ANKMY1: variants seen among roughly 807,000 people sequenced by gnomAD.
ANKMY1 encodes the protein ankyrin repeat and MYND domain containing 1.
ANKMY1 carries 98 observed loss-of-function variants against 102.0 expected under a neutral mutation model. The observed-to-expected ratio is 0.96, with a 90% CI of 0.82 to 1.14. ANKMY1 has a LOEUF of 1.14. Among genes scored for constraint, ANKMY1 ranks in the 50% most tolerant of loss-of-function variants. The pLI, the probability that ANKMY1 is intolerant of heterozygous loss-of-function variation, is 0.00. For missense variants in ANKMY1, 1,330 were observed against 1,347.6 expected (o/e 0.99, Z 0.20); for synonymous variants, 582 against 559.9 (o/e 1.04, Z -0.56).
chr2:240,518,961 C>T (rs1415332661), intron 9 of ANKMY1, among the ~76,000 whole-genome samples: 2 of 152,230 alleles, frequency 1.3e-5, no homozygotes, highest in Non-Finnish European at 2.9e-5. Context: ...GCCTGAGTGA[C>T]AACTGGCAAG....
At chr2:240,507,823 T>C (rs2079368058) in intron 12 of ANKMY1, 132 bp from the exon 13 acceptor site, 1 of 1,119,186 alleles carries the variant, frequency 8.9e-7, no homozygotes, top group Non-Finnish European at 1.2e-6. Flanking sequence ...CCGCTGGCCC[T>C]TCCCACGGAT....
At chr2:240,554,811 G>C in intron 3 of ANKMY1, 55 bp downstream of exon 3, 1 of 1,595,644 alleles carries the variant, frequency 6.3e-7, no homozygotes. Flanking sequence ...GAAGGATAAA[G>C]GCCAGCCACC....
chr2:240,503,831 C>T (rs1481388483), intron 13 of ANKMY1, among the ~76,000 whole-genome samples: 1 of 152,228 alleles, frequency 6.6e-6, no homozygotes, highest in African/African-American at 2.4e-5. Context: ...ATCAAAGTAA[C>T]ATGAGGTCCT....
chr2:240,536,281 C>CT (rs539958443), intron 4 of ANKMY1, among the ~76,000 whole-genome samples: 3 of 151,504 alleles, frequency 2.0e-5, no homozygotes, highest in South Asian at 4.2e-4. Context: ...AAAGAAAATT[C>CT]TTTTTTTTTC....
At chr2:240,508,865 AATGG>A (rs538759452) in intron 12 of ANKMY1, among the ~76,000 whole-genome samples, 8 of 151,808 alleles carry the variant, frequency 5.3e-5, no homozygotes, top group South Asian at 2.1e-4. Flanking sequence ...TGGATGGATG[AATGG>A]ATGGATGGAT....
intron 4 of ANKMY1, among the ~76,000 whole-genome samples, chr2:240,541,554 G>A (rs1331720095): frequency 1.4e-5 from 2 of 147,666 alleles, no homozygotes; most frequent in Admixed American, 6.8e-5. Flanking sequence ...CCAGGCTGGA[G>A]TGCAATGGCG....
chr2:240,496,405 T>C (rs1189429366), intron 15 of ANKMY1, among the ~76,000 whole-genome samples: 2 of 119,680 alleles, frequency 1.7e-5, no homozygotes, highest in African/African-American at 3.0e-5. Context: ...GATAGATAGA[T>C]AGATAGATGT....
At chr2:240,514,432 G>A (rs1045847150) in intron 9 of ANKMY1, among the ~76,000 whole-genome samples, 29 of 152,130 alleles carry the variant, frequency 1.9e-4, no homozygotes, top group African/African-American at 6.8e-4. Flanking sequence ...CAGGAGGCAG[G>A]GGGGCATCAC....
At chr2:240,495,843 T>C (rs941805513) in intron 15 of ANKMY1, among the ~76,000 whole-genome samples, 1 of 152,126 alleles carries the variant, frequency 6.6e-6, no homozygotes, top group African/African-American at 2.4e-5. Context: ...TTCCCTATAT[T>C]GGGAATTCAC....
intron 4 of ANKMY1, among the ~76,000 whole-genome samples, chr2:240,550,523 T>C (rs958163675): frequency 5.3e-5 from 8 of 151,614 alleles, no homozygotes; most frequent in African/African-American, 1.9e-4. Flanking sequence ...TAATAATAAA[T>C]TTAAAAAAAA....
intron 8 of ANKMY1, among the ~76,000 whole-genome samples, chr2:240,521,030 C>T (rs990386886): frequency 6.6e-6 from 1 of 152,104 alleles, no homozygotes; most frequent in Non-Finnish European, 1.5e-5. Flanking sequence ...CACTGAAAGG[C>T]TGGCCAGGTC....
intron 9 of ANKMY1, 132 bp from the exon 10 acceptor site, chr2:240,513,074 C>T (rs1235637814): frequency 1.1e-5 from 14 of 1,274,634 alleles, no homozygotes; most frequent in Non-Finnish European, 1.5e-5. Context: ...TCACCTGCCT[C>T]ACAACGTGCA....
At chr2:240,476,308 G>C (rs977667739), downstream of ANKMY1, among the ~76,000 whole-genome samples, 1 of 152,036 alleles carries the variant, frequency 6.6e-6, no homozygotes, top group African/African-American at 2.4e-5. Context: ...AGAGAAATTG[G>C]ACCCTTATCT....
intron 15 of ANKMY1, among the ~76,000 whole-genome samples, chr2:240,489,911 G>C (rs772517164): frequency 2.6e-5 from 4 of 152,168 alleles, no homozygotes; most frequent in Non-Finnish European, 4.4e-5. Flanking sequence ...CTTGTTGAGA[G>C]ACTTTTTATT....
At chr2:240,545,454 T>G (rs923088551) in intron 4 of ANKMY1, among the ~76,000 whole-genome samples, 1 of 152,108 alleles carries the variant, frequency 6.6e-6, no homozygotes. Context: ...GCAGAGCGCC[T>G]CTCCTCCTTC....
At chr2:240,551,424 G>T (rs1355050862) in intron 4 of ANKMY1, among the ~76,000 whole-genome samples, 1 of 152,158 alleles carries the variant, frequency 6.6e-6, no homozygotes, top group East Asian at 1.9e-4. Flanking sequence ...ACAGCTGGGG[G>T]AACTGGTTAT....
At chr2:240,478,271 TAGC>T (rs2074993398), downstream of ANKMY1, among the ~76,000 whole-genome samples, 1 of 152,228 alleles carries the variant, frequency 6.6e-6, no homozygotes, top group Admixed American at 6.5e-5. Context: ...TATGTACGTG[TAGC>T]AGTGCGAGAA....
upstream of ANKMY1, chr2:240,560,787 G>GGCGCGGAGGAGCAGCTGGCGC (rs1417775863): frequency 1.2e-5 from 18 of 1,457,924 alleles, no homozygotes; most frequent in Non-Finnish European, 1.6e-5. Flanking sequence ...GCGAGCCGCG[G>GGCGCGGAGGAGCAGCTGGCGC]GCGCGGAGGA....
intron 5 of ANKMY1, chr2:240,527,407 GGGTAGGTA>G: frequency 6.6e-6 from 1 of 152,012 alleles, no homozygotes; most frequent in Non-Finnish European, 1.5e-5. Context: ...ATGGGTGGGT[GGGTAGGTA>G]GATGAATGAG....
Sources: allele counts gnomAD v4.1 joint callset (sites outside exome capture counted in the v4.1 genomes callset), GRCh38; gene constraint gnomAD v4.1.1; transcripts MANE v1.5; gene names NCBI Gene and HGNC (gene_info 2026-07-23, HGNC 2026-07-21).